NXPE1: variants seen among roughly 807,000 people sequenced by gnomAD.
The protein encoded by NXPE1 is neurexophilin and PC-esterase domain family member 1, also known as NXPE family member 1.
A neutral mutation model predicts 33.3 loss-of-function variants in NXPE1; 31 were observed. That is an observed-to-expected ratio of 0.93 (90% CI 0.70 to 1.26). NXPE1 has a LOEUF of 1.26. NXPE1 is among the 50% of genes most tolerant of loss of function. The probability of loss-of-function intolerance (pLI) is 0.00; values close to 1 mark genes in which losing one functional copy is unlikely to be tolerated. For missense variants in NXPE1, 661 were observed against 655.6 expected (o/e 1.01, Z -0.09); for synonymous variants, 229 against 231.4 (o/e 0.99, Z 0.09).
chr11:114,556,480 T>C (rs1948650454), intron 1 of NXPE1, among the ~76,000 whole-genome samples: 1 of 151,982 alleles, frequency 6.6e-6, no homozygotes, highest in South Asian at 2.1e-4. Flanking sequence ...TCAATTGCCT[T>C]GAACTCCATC....
chr11:114,522,327 C>T (rs1041755020), exon 9 of NXPE1: 2 of 1,613,982 alleles, frequency 1.2e-6, no homozygotes, highest in African/African-American at 1.3e-5. Context: ...GTGTTTTTGT[C>T]ACCTGATAGC....
intron 5 of NXPE1, among the ~76,000 whole-genome samples, chr11:114,547,478 T>C (rs1326126571): frequency 6.6e-6 from 1 of 152,218 alleles, no homozygotes; most frequent in African/African-American, 2.4e-5. Context: ...CTCACGCCTG[T>C]AATCCCAGCA....
chr11:114,536,767 C>A (rs1421013376), intron 5 of NXPE1, among the ~76,000 whole-genome samples: 4 of 152,084 alleles, frequency 2.6e-5, no homozygotes, highest in Admixed American at 1.3e-4. Context: ...CAATAACAGG[C>A]TCTGAAATTG....
chr11:114,551,544 C>G (rs1015283682), intron 3 of NXPE1, 103 bp from the exon 4 acceptor site: 2 of 330,036 alleles, frequency 6.1e-6, no homozygotes, highest in Non-Finnish European at 9.0e-6. Flanking sequence ...AAACTTAATT[C>G]ATCAGCATGT....
At chr11:114,525,624 C>T (rs1025941652) in intron 7 of NXPE1, among the ~76,000 whole-genome samples, 22 of 152,106 alleles carry the variant, frequency 1.4e-4, no homozygotes, top group African/African-American at 5.3e-4. Context: ...CCTGTTTTTC[C>T]CTTCTGTGCA....
intron 5 of NXPE1, among the ~76,000 whole-genome samples, chr11:114,537,375 C>T (rs183082701): frequency 2.0e-5 from 3 of 152,164 alleles, no homozygotes; most frequent in Admixed American, 6.5e-5. Context: ...TGGCACAAGA[C>T]AGGGATGCCC....
At chr11:114,535,876 G>A (rs1279087813) in intron 5 of NXPE1, among the ~76,000 whole-genome samples, 1 of 152,112 alleles carries the variant, frequency 6.6e-6, no homozygotes. Context: ...AGATCAACGA[G>A]ACAGAAAGTT....
intron 6 of NXPE1, chr11:114,528,807 C>T: frequency 4.4e-6 from 3 of 678,776 alleles, no homozygotes; most frequent in Non-Finnish European, 8.1e-6. Flanking sequence ...TGATTTCCTG[C>T]TATAGATGTC....
At chr11:114,523,851 A>C (rs760202313) in intron 7 of NXPE1, among the ~76,000 whole-genome samples, 7 of 152,238 alleles carry the variant, frequency 4.6e-5, no homozygotes, top group Non-Finnish European at 7.3e-5. Flanking sequence ...AGGATTTGTT[A>C]TATCAGGACT....
At chr11:114,557,094 A>T (rs916054416) in intron 1 of NXPE1, among the ~76,000 whole-genome samples, 1 of 151,966 alleles carries the variant, frequency 6.6e-6, no homozygotes, top group Non-Finnish European at 1.5e-5. Context: ...GGGTTTCACC[A>T]TGTTGGCCAG....
At chr11:114,557,667 AT>A (rs1565320777) in intron 1 of NXPE1, among the ~76,000 whole-genome samples, 20 of 114,212 alleles carry the variant, frequency 1.8e-4, no homozygotes, top group Admixed American at 5.3e-4. Flanking sequence ...ATATATATAT[AT>A]ATATAAAATC....
At position 114,550,601 on chromosome 11, in the gene NXPE1, G is replaced by A. The variant is rs547893849; in HGVS notation, c.99+502C>T. Among the ~76,000 whole-genome samples the A allele has an allele frequency of 5.4e-3, 829 of 152,232 alleles. 6 individuals are homozygous for A. Among genetic ancestry groups the A allele is most frequent in the African/African-American group, 0.019 (797 of 41,564 alleles). ...AGTGGATCAGATATTTATAGACAAT[G>A]TAACTATACAAGTAAAAAAATAAGA... On this transcript the variant is annotated intron_variant, in intron 5 of 8. Coordinates refer to ENST00000534921, the Ensembl canonical transcript of NXPE1.
chr11:114,532,871 A>G (rs537254816), intron 5 of NXPE1, among the ~76,000 whole-genome samples: 7 of 152,312 alleles, frequency 4.6e-5, no homozygotes, highest in African/African-American at 1.7e-4. Context: ...TTTATATATT[A>G]ATGGATTAAA....
At position 114,522,475 on chromosome 11, in the gene NXPE1, AG is replaced by A; in HGVS notation, c.1136del (p.Thr379MetfsTer35). 9 of 1,603,274 alleles carry A rather than the reference AG, an allele frequency of 5.6e-6. No homozygotes were observed. In the East Asian group the frequency reaches 2.0e-4, roughly 36 times the overall value. ...GAAGCAAATGTTTCTTAAAGATTCC[AG>A]TTTCATGAAGATCAAAAAACTTCAG... On this transcript the variant is annotated frameshift_variant, in exon 9 of 9. Transcript: ENST00000534921. LOFTEE classifies it low-confidence loss of function (END_TRUNC).
intron 5 of NXPE1, among the ~76,000 whole-genome samples, chr11:114,550,424 A>C (rs1198073826): frequency 6.6e-6 from 1 of 152,168 alleles, no homozygotes; most frequent in Non-Finnish European, 1.5e-5. Flanking sequence ...ACCTCATTAT[A>C]TATACAAATT....
At chr11:114,522,459 G>A (rs761991154) in exon 9 of NXPE1, 42 of 1,610,026 alleles carry the variant, frequency 2.6e-5, no homozygotes, top group Non-Finnish European at 3.3e-5. Context: ...AGAAGCAAAT[G>A]TTTCTTAAAG....
chr11:114,522,815 G>T, intron 8 of NXPE1, 64 bp downstream of exon 8: 1 of 1,148,928 alleles, frequency 8.7e-7, no homozygotes, highest in Non-Finnish European at 1.3e-6. Context: ...AGAGAATAGA[G>T]ACCTCATTAA....
At position 114,530,293 on chromosome 11, in the gene NXPE1, G is replaced by A. The variant is rs1947531606; in HGVS notation, c.715C>T (p.Gln239Ter). 1 of 1,614,052 alleles carries A rather than the reference G, an allele frequency of 6.2e-7. No homozygotes were observed. Among genetic ancestry groups the A allele is most frequent in the Non-Finnish European group, 8.5e-7 (1 of 1,180,028 alleles). The change falls in exon 6 of 9, where the codon CAA becomes TAA. Residue 239 changes from glutamine to a stop codon, truncating the protein, a stop_gained. Transcript: ENST00000534921. LOFTEE classifies it high-confidence loss of function. ...GGCTTCATACAATAGAAGGCTTCTT[G>A]GTCTCTGTCATCCAGATATTCACAG...
At chr11:114,556,745 A>C (rs1249654161) in intron 1 of NXPE1, among the ~76,000 whole-genome samples, 1 of 152,024 alleles carries the variant, frequency 6.6e-6, no homozygotes, top group Non-Finnish European at 1.5e-5. Flanking sequence ...TATTAGTCTC[A>C]TCTAAGCCAC....
Sources: gnomAD v4.1 joint callset for allele counts (sites outside exome capture counted in the v4.1 genomes callset) on GRCh38, gnomAD v4.1.1 for gene constraint, MANE v1.5 for transcripts, NCBI Gene and HGNC (gene_info 2026-07-23, HGNC 2026-07-21) for gene names.